The following DAB1 variants were observed in gnomAD, a reference collection of about 807,000 sequenced individuals.
The protein encoded by DAB1 is DAB adaptor protein 1.
A neutral mutation model predicts 64.6 loss-of-function variants in DAB1; 15 were observed. The ratio of observed to expected loss-of-function variants is 0.23; its 90% confidence interval spans 0.16 to 0.36. The LOEUF (loss-of-function observed/expected upper bound fraction) is 0.36, where lower values mean the gene tolerates loss of function less well. DAB1 is among the 10% of genes least tolerant of loss of function. The pLI is 1.00. For missense variants in DAB1, 596 were observed against 706.7 expected, an observed-to-expected ratio of 0.84 and a Z score of 1.78; for synonymous variants, 235 against 251.9, an observed-to-expected ratio of 0.93 and a Z score of 0.64.
chr1:58,458,471 A>G (rs1645212019), intron 3 of DAB1, among the ~76,000 whole-genome samples: 1 of 152,216 alleles, frequency 6.6e-6, no homozygotes, highest in Non-Finnish European at 1.5e-5. Context: ...ACTAAAAGGT[A>G]CCAGTATCAA....
At chr1:58,534,293 T>C in intron 1 of DAB1, 1 of 866,422 alleles carries the variant, frequency 1.2e-6, no homozygotes, top group Non-Finnish European at 2.0e-6. Context: ...ATCGGGCATC[T>C]TTCTCAGTTA....
intron 5 of DAB1, among the ~76,000 whole-genome samples, chr1:58,033,158 G>A (rs1646994605): frequency 6.6e-6 from 1 of 152,218 alleles, no homozygotes; most frequent in South Asian, 2.1e-4. Flanking sequence ...CTGCTCTCCA[G>A]ATGGATTTGT....
chr1:57,130,919 C>A (rs1420419498), intron 4 of DAB1, among the ~76,000 whole-genome samples: 2 of 152,168 alleles, frequency 1.3e-5, no homozygotes, highest in Non-Finnish European at 2.9e-5. Flanking sequence ...TAATTACTAA[C>A]AGGTTTTTCA....
At chr1:57,447,397 A>C (rs1686181370) in intron 7 of DAB1, among the ~76,000 whole-genome samples, 1 of 152,122 alleles carries the variant, frequency 6.6e-6, no homozygotes, top group Non-Finnish European at 1.5e-5. Flanking sequence ...AAAGAGAGAG[A>C]TCCTTGTGCA....
intron 7 of DAB1, among the ~76,000 whole-genome samples, chr1:57,590,735 A>AACACACACACACACACACACACAC (rs58957864): frequency 7.6e-6 from 1 of 132,354 alleles, no homozygotes; most frequent in African/African-American, 2.9e-5. Flanking sequence ...TGTAGTCCGT[A>AACACACACACACACACACACACAC]ACACACACAC....
At chr1:58,201,268 G>C (rs1194126435) in intron 4 of DAB1, among the ~76,000 whole-genome samples, 1 of 152,038 alleles carries the variant, frequency 6.6e-6, no homozygotes, top group Non-Finnish European at 1.5e-5. Flanking sequence ...TGCCTGCCTT[G>C]GCCTCCCAAA....
intron 7 of DAB1, among the ~76,000 whole-genome samples, chr1:57,604,580 A>G (rs1432262590): frequency 6.6e-6 from 1 of 152,202 alleles, no homozygotes; most frequent in Non-Finnish European, 1.5e-5. Context: ...ACGGACCCAC[A>G]GAGCCAGAAA....
chr1:57,173,916 C>G (rs1368247642), intron 2 of DAB1, among the ~76,000 whole-genome samples: 1 of 151,862 alleles, frequency 6.6e-6, no homozygotes, highest in African/African-American at 2.4e-5. Flanking sequence ...TGGGATTTCC[C>G]AATTAAATAT....
At chr1:57,568,116 A>C (rs985617237) in intron 7 of DAB1, among the ~76,000 whole-genome samples, 26 of 152,310 alleles carry the variant, frequency 1.7e-4, no homozygotes, top group African/African-American at 6.3e-4. Context: ...CTCAGAAATA[A>C]TACCACACAT....
intron 4 of DAB1, among the ~76,000 whole-genome samples, chr1:58,287,096 C>T (rs1319403086): frequency 1.3e-5 from 2 of 152,200 alleles, no homozygotes; most frequent in African/African-American, 2.4e-5. Context: ...CATGTTCTCA[C>T]TTGTAAGTGG....
intron 7 of DAB1, among the ~76,000 whole-genome samples, chr1:57,642,889 A>C (rs945263273): frequency 6.6e-6 from 1 of 152,156 alleles, no homozygotes; most frequent in African/African-American, 2.4e-5. Context: ...GTTCTTTGGC[A>C]ATTCATTAAT....
intron 4 of DAB1, among the ~76,000 whole-genome samples, chr1:57,130,473 G>T (rs147247498): frequency 1.3e-5 from 2 of 152,238 alleles, no homozygotes; most frequent in African/African-American, 4.8e-5. Flanking sequence ...GTTCACTGTA[G>T]CATTATTCAT....
chr1:57,449,434 C>G (rs941163569), intron 7 of DAB1, among the ~76,000 whole-genome samples: 1 of 148,804 alleles, frequency 6.7e-6, no homozygotes, highest in South Asian at 2.1e-4. Context: ...GGCTAGAGTG[C>G]AGTGGTGTGA....
intron 7 of DAB1, among the ~76,000 whole-genome samples, chr1:57,468,275 A>T (rs1033728605): frequency 2.0e-5 from 3 of 152,162 alleles, no homozygotes; most frequent in Non-Finnish European, 4.4e-5. Flanking sequence ...ATGCATGGCT[A>T]AAAGCACGGA....
chr1:58,132,711 C>G (rs1355168588), intron 5 of DAB1, among the ~76,000 whole-genome samples: 1 of 152,114 alleles, frequency 6.6e-6, no homozygotes, highest in Non-Finnish European at 1.5e-5. Context: ...CTGAGAATCC[C>G]CCTTCTACAT....
intron 4 of DAB1, among the ~76,000 whole-genome samples, chr1:57,103,191 G>A (rs1654839679): frequency 4.6e-5 from 7 of 152,192 alleles, no homozygotes; most frequent in Admixed American, 4.6e-4. Context: ...CTGGAGGGGG[G>A]CTGGTGAAGA....
At chr1:58,501,867 C>T (rs750191253) in intron 3 of DAB1, among the ~76,000 whole-genome samples, 1 of 152,034 alleles carries the variant, frequency 6.6e-6, no homozygotes, top group African/African-American at 2.4e-5. Context: ...GGGCCCTGAT[C>T]GAATAGGATT....
intron 2 of DAB1, among the ~76,000 whole-genome samples, chr1:57,214,324 A>G (rs1666247040): frequency 6.6e-6 from 1 of 152,212 alleles, no homozygotes; most frequent in African/African-American, 2.4e-5. Flanking sequence ...ACTTAATACC[A>G]TCACATTGGC....
intron 4 of DAB1, among the ~76,000 whole-genome samples, chr1:58,300,062 C>T (rs1455129713): frequency 6.6e-6 from 1 of 152,132 alleles, no homozygotes; most frequent in African/African-American, 2.4e-5. Flanking sequence ...ACCAAATTTA[C>T]TGAGTAGACA....
Sources: allele counts gnomAD v4.1 joint callset (sites outside exome capture counted in the v4.1 genomes callset), GRCh38; gene constraint gnomAD v4.1.1; transcripts MANE v1.5; gene names NCBI Gene and HGNC (gene_info 2026-07-23, HGNC 2026-07-21).